Variants in PTPRT observed in about 807,000 individuals in gnomAD.
PTPRT encodes receptor-type tyrosine-protein phosphatase T.
Under a neutral mutation model 176.8 loss-of-function variants are expected in PTPRT, and 56 were observed. That is an observed-to-expected ratio of 0.32 (90% CI 0.26 to 0.40). The LOEUF (loss-of-function observed/expected upper bound fraction) is 0.40, where lower values mean the gene tolerates loss of function less well. PTPRT is among the 10% of genes least tolerant of loss of function. PTPRT has a pLI of 1.00. For missense variants in PTPRT, 1,540 were observed against 1,908.2 expected, an observed-to-expected ratio of 0.81 and a Z score of 3.60; for synonymous variants, 783 against 739.0, an observed-to-expected ratio of 1.06 and a Z score of -0.96.
intron 12 of PTPRT, among the ~76,000 whole-genome samples, chr20:42,304,979 C>T (rs2057522472): frequency 6.6e-6 from 1 of 152,162 alleles, no homozygotes; most frequent in Non-Finnish European, 1.5e-5. Context: ...ATAGTGTACC[C>T]TGCGCTAACC....
At position 42,102,170 on chromosome 20, in the gene PTPRT, G is replaced by A; in HGVS notation, c.3668C>T (p.Ser1223Leu). ...GTAATTGCTGGATTCTCCGTCCACT[G>A]AGATAAGGAAGGGCAGGCAGCGGTC... The part of the protein sequence containing the change: ...PLDRCLPFLI[S>L]VDGESSNYIN... The change falls in exon 26 of 31, where the codon TCA becomes TTA. Residue 1223 changes from serine (S) to leucine (L), a missense_variant. By Grantham distance (145) the Ser-to-Leu change is moderately radical. This residue lies in a region of PTPRT where 342 missense variants were observed against 394.0 expected (regional missense o/e 0.87). Coordinates refer to ENST00000373187, the MANE Select transcript of PTPRT (RefSeq NM_007050.6). 6.2e-7 allele frequency: 1 copy of A among 1,614,186 alleles called. No homozygotes were observed. The highest frequency in any genetic ancestry group is 8.5e-7 in the Non-Finnish European group (1 of 1,180,018).
At chr20:42,481,065 G>A (rs1425655108) in intron 7 of PTPRT, among the ~76,000 whole-genome samples, 1 of 151,360 alleles carries the variant, frequency 6.6e-6, no homozygotes, top group East Asian at 1.9e-4. Context: ...AAATATTTAA[G>A]GTTTTGCACC....
At chr20:42,732,714 C>T (rs2076480250) in intron 6 of PTPRT, among the ~76,000 whole-genome samples, 1 of 152,170 alleles carries the variant, frequency 6.6e-6, no homozygotes, top group Non-Finnish European at 1.5e-5. Flanking sequence ...CTCAGGTTTC[C>T]TTTCATTGAA....
intron 9 of PTPRT, among the ~76,000 whole-genome samples, chr20:42,376,743 C>T: frequency 6.6e-6 from 1 of 152,100 alleles, no homozygotes; most frequent in East Asian, 1.9e-4. Flanking sequence ...GAAGGAGCAG[C>T]TCAAGGAAAG....
chr20:42,651,238 A>C (rs1260588944), intron 7 of PTPRT, among the ~76,000 whole-genome samples: 1 of 152,204 alleles, frequency 6.6e-6, no homozygotes, highest in African/African-American at 2.4e-5. Context: ...GACAACGGAC[A>C]TATATTAAAC....
chr20:42,588,456 G>C (rs1171369845), intron 7 of PTPRT, among the ~76,000 whole-genome samples: 4 of 151,724 alleles, frequency 2.6e-5, no homozygotes, highest in Admixed American at 6.6e-5. Context: ...CAAAAAAAAA[G>C]CAAATAAATC....
chr20:43,062,883 C>T (rs1257008986), intron 1 of PTPRT, among the ~76,000 whole-genome samples: 1 of 152,094 alleles, frequency 6.6e-6, no homozygotes, highest in African/African-American at 2.4e-5. Flanking sequence ...TTACTTTTTC[C>T]TAAGAGTGTC....
intron 9 of PTPRT, among the ~76,000 whole-genome samples, chr20:42,413,564 A>T (rs932541660): frequency 6.6e-6 from 1 of 152,226 alleles, no homozygotes; most frequent in African/African-American, 2.4e-5. Flanking sequence ...GCAGCTCAAT[A>T]AAATACCATA....
At chr20:42,256,047 C>G (rs940731294) in intron 13 of PTPRT, among the ~76,000 whole-genome samples, 1 of 152,138 alleles carries the variant, frequency 6.6e-6, no homozygotes, top group Non-Finnish European at 1.5e-5. Flanking sequence ...GTATCTGGCA[C>G]CCAGTAGGGA....
chr20:42,080,824 AGG>A lies in PTPRT; in HGVS notation c.*53_*54del. 1 of 1,535,980 alleles carries A rather than the reference AGG, an allele frequency of 6.5e-7. No individual in the cohort carries two copies. The highest frequency in any genetic ancestry group is 9.0e-7 in the Non-Finnish European group (1 of 1,111,902). On this transcript the variant is annotated 3_prime_UTR_variant, in exon 31 of 31. Transcript: ENST00000373187. ...GCCCAGTTACTGCCATTCACACAAA[AGG>A]GGGCTTGGTCACAGCAGCCTCTGGA...
intron 13 of PTPRT, among the ~76,000 whole-genome samples, chr20:42,271,714 C>T (rs1436885145): frequency 6.6e-6 from 1 of 152,152 alleles, no homozygotes; most frequent in Non-Finnish European, 1.5e-5. Flanking sequence ...TTTAATGTTC[C>T]TGTCCTTTCA....
At chr20:42,290,284 C>A (rs1218458288) in intron 12 of PTPRT, among the ~76,000 whole-genome samples, 1 of 152,078 alleles carries the variant, frequency 6.6e-6, no homozygotes, top group Non-Finnish European at 1.5e-5. Flanking sequence ...TCATTTTAAT[C>A]TCACCCATGC....
chr20:43,060,517 C>CA (rs1987413286), intron 1 of PTPRT, among the ~76,000 whole-genome samples: 1 of 152,218 alleles, frequency 6.6e-6, no homozygotes, highest in Non-Finnish European at 1.5e-5. Flanking sequence ...CATAAACATT[C>CA]AGTCTATAGC....
Position 42,199,206 on chromosome 20 carries a change from G to A in PTPRT, c.2491+34C>T, listed in dbSNP as rs373371536. The A allele has an allele frequency of 1.7e-5, 28 of 1,609,054 alleles. No homozygotes were observed. In the African/African-American group the frequency reaches 2.7e-4, roughly 15 times the overall value. On this transcript the variant is annotated intron_variant, in intron 16 of 30. Transcript: ENST00000373187. The stretch of plus-strand genomic sequence containing the variant: ...AAGTACTAGGGCTGAGCTGGACCAC[G>A]GATGTCCCCTTCCCCTTTGTTGGCT...
intron 2 of PTPRT, among the ~76,000 whole-genome samples, chr20:42,829,089 A>G (rs936562407): frequency 6.6e-6 from 1 of 152,214 alleles, no homozygotes; most frequent in Non-Finnish European, 1.5e-5. Flanking sequence ...GCAAAGCCAT[A>G]GGGACCAAGC....
intron 2 of PTPRT, among the ~76,000 whole-genome samples, chr20:42,857,415 T>C (rs769921645): frequency 2.0e-5 from 3 of 152,178 alleles, no homozygotes; most frequent in Non-Finnish European, 2.9e-5. Flanking sequence ...TTAATGCACT[T>C]CCATTTCCAT....
chr20:42,842,855 G>T (rs1180153399), intron 2 of PTPRT, among the ~76,000 whole-genome samples: 2 of 152,160 alleles, frequency 1.3e-5, no homozygotes, highest in Admixed American at 6.6e-5. Flanking sequence ...AACAGAGGGG[G>T]TCCCTCAAGC....
chr20:42,409,481 C>CAAAAAAAAAAAAAA (rs58932390), intron 9 of PTPRT, among the ~76,000 whole-genome samples: 1 of 112,170 alleles, frequency 8.9e-6, no homozygotes, highest in African/African-American at 3.6e-5. Flanking sequence ...GACTCTGTCG[C>CAAAAAAAAAAAAAA]AAAAAAAAAA....
chr20:42,096,579 G>T (rs2146200557), intron 27 of PTPRT, among the ~76,000 whole-genome samples: 1 of 152,026 alleles, frequency 6.6e-6, no homozygotes, highest in South Asian at 2.1e-4. Context: ...ACTCCAGTCG[G>T]GATGACACAG....
Sources: allele counts gnomAD v4.1 joint callset (sites outside exome capture counted in the v4.1 genomes callset), GRCh38; gene constraint gnomAD v4.1.1; regional missense constraint gnomAD v4.1.1; transcripts MANE v1.5; gene names NCBI Gene and HGNC (gene_info 2026-07-23, HGNC 2026-07-21).